INHBA: variants seen among roughly 807,000 people sequenced by gnomAD.
INHBA encodes the protein inhibin subunit beta A.
INHBA carries 1 observed loss-of-function variant against 29.0 expected under a neutral mutation model. The observed-to-expected ratio is 0.03, with a 90% CI of 0.01 to 0.16. The LOEUF is 0.16. INHBA is among the 10% of genes least tolerant of loss of function. The pLI is 1.00. For missense variants in INHBA, 376 were observed against 545.4 expected (o/e 0.69, Z 3.09); for synonymous variants, 242 against 216.8 (o/e 1.12, Z -1.02).
rs571523516 is a variant in INHBA, at chr7:41,688,009, T to C, written c.*1641A>G. ...ATCCCTGTACAATGAAAGAGGGCCT[T>C]GCTGAATATTCACTGGAATTTCCAG... On this transcript the variant is annotated 3_prime_UTR_variant, in exon 3 of 3. Transcript: ENST00000242208. The C allele has an allele frequency of 6.6e-6, 1 of 152,334 alleles. No individual in the cohort carries two copies. Among genetic ancestry groups the C allele is most frequent in the African/African-American group, 2.4e-5 (1 of 41,572 alleles). The allele number at this position is 152,334 out of a possible 1,614,324, so 9.4% of individuals were successfully genotyped here. A position where few individuals can be genotyped will look rare whatever the true frequency, so the allele number is the denominator to read the frequency against.
chr7:41,691,319 A>T (rs552967738), intron 2 of INHBA: 147 of 152,474 alleles, frequency 9.6e-4, no homozygotes, highest in Non-Finnish European at 1.4e-3. Context: ...TTGCCTCTGC[A>T]ACACTAAGGA....
In INHBA at chr7:41,687,639, CT is replaced by C. The variant is rs1794415512; in HGVS notation, c.*2010del. 6.6e-6 allele frequency: 1 copy of C among 151,998 alleles called. No individual in the cohort carries two copies. Among genetic ancestry groups the C allele is most frequent in the African/African-American group, 2.4e-5 (1 of 41,396 alleles). 9.4% of individuals were successfully genotyped at this position (151,998 alleles called of 1,614,324 possible). On this transcript the variant is annotated 3_prime_UTR_variant, in exon 3 of 3. Transcript: ENST00000242208. ...TAAATTAAAATTTTAGAGATTTTTA[CT>C]ACTGCCCTCACCTCTGCCTCCTCTT...
rs554028242 is a variant in INHBA, at chr7:41,688,064, G to A, written c.*1586C>T. The A allele has an allele frequency of 3.3e-5, 5 of 152,170 alleles. No individual in the cohort carries two copies. In the East Asian group the frequency reaches 9.7e-4, roughly 29 times the overall value. The allele number at this position is 152,170 out of a possible 1,614,324, so 9.4% of individuals were successfully genotyped here. ...TTTCCCATCCGAATTTTTGAAATGC[G>A]CCCACCTAGTTCAGAGTAAAAGCAA... On this transcript the variant is annotated 3_prime_UTR_variant, in exon 3 of 3. Coordinates refer to ENST00000242208, the MANE Select transcript of INHBA (RefSeq NM_002192.4).
rs1488241309 is a variant in INHBA at position 41,700,341 on chromosome 7, C to A, written c.34G>T (p.Ala12Ser). The A allele has an allele frequency of 6.7e-7, 1 of 1,503,534 alleles. No individual in the cohort carries two copies. Among genetic ancestry groups the A allele is most frequent in the Non-Finnish European group, 8.9e-7 (1 of 1,126,456 alleles). 93.1% of individuals were successfully genotyped at this position (1,503,534 alleles called of 1,614,324 possible). A position where few individuals can be genotyped will look rare whatever the true frequency, so the allele number is the denominator to read the frequency against. ...PLLWLRGFLL[A>S]SCWIIVRSSP... ...CTCCTCACTATAATCCAGCAACTTG[C>A]CAACAGAAATCCTCTCAGCCAAAGC... The change falls in exon 2 of 3, where the codon GCA (alanine) becomes TCA (serine). Residue 12 changes from alanine to serine, a missense_variant. Physicochemically the swap from Ala to Ser is moderately conservative, Grantham distance 99. Coordinates refer to ENST00000242208, the MANE Select transcript of INHBA (RefSeq NM_002192.4).
intron 2 of INHBA, among the ~76,000 whole-genome samples, chr7:41,695,824 G>A (rs1017305675): frequency 6.6e-6 from 1 of 152,138 alleles, no homozygotes; most frequent in Non-Finnish European, 1.5e-5. Flanking sequence ...GGAACCAGTC[G>A]AGTACGAAGA....
chr7:41,692,269 TCTTCAAGAAGTTCATCTTAGAACTTGCAA>T (rs1253118671), intron 2 of INHBA: 1 of 152,146 alleles, frequency 6.6e-6, no homozygotes, highest in East Asian at 1.9e-4. Flanking sequence ...CTGGGAACAA[TCTTCAAGAAGTTCATCTTAGAACTTGCAA>T]CTCCCTGGGA....
In INHBA at chr7:41,689,047, C is replaced by T. The variant is rs1794441262; in HGVS notation, c.*603G>A. On this transcript the variant is annotated 3_prime_UTR_variant, in exon 3 of 3. Transcript: ENST00000242208. The stretch of plus-strand genomic sequence containing the variant: ...GTACAGAAAAAGGAAGTGTGACCAC[C>T]TGCACACGATTGTTCTTTTACCAGT... 4.3e-6 allele frequency: 1 copy of T among 232,922 alleles called. No individual in the cohort carries two copies. Among genetic ancestry groups the T allele is most frequent in the African/African-American group, 2.2e-5 (1 of 45,110 alleles). The allele number at this position is 232,922 out of a possible 1,614,324, so 14.4% of individuals were successfully genotyped here.
At chr7:41,703,409 G>A (rs151149344), upstream of INHBA, among the ~76,000 whole-genome samples, 274 of 152,196 alleles carry the variant, frequency 1.8e-3, no homozygotes, top group Non-Finnish European at 3.3e-3. Flanking sequence ...CACACGTCTC[G>A]TTATATTCAG....
At chr7:41,702,459 G>A (rs926345935) in intron 1 of INHBA, among the ~76,000 whole-genome samples, 3 of 152,156 alleles carry the variant, frequency 2.0e-5, no homozygotes, top group South Asian at 2.1e-4. Flanking sequence ...TATTTTTTAC[G>A]GGGATGGTGA....
Position 41,688,637 on chromosome 7 carries a change from C to T in INHBA, c.*1013G>A, listed in dbSNP as rs1308760479. 1.4e-5 allele frequency: 2 copies of T among 147,982 alleles called. No individual in the cohort carries two copies. The highest frequency in any genetic ancestry group is 2.5e-5 in the African/African-American group (1 of 39,938). The allele number at this position is 147,982 out of a possible 1,614,324, so 9.2% of individuals were successfully genotyped here. On this transcript the variant is annotated 3_prime_UTR_variant, in exon 3 of 3. Transcript: ENST00000242208. Reference sequence around the variant, plus strand: ...TGCAGCTCTTAAACCCCACCCCCACCCCCAACCAAAGAAAATACTTGTTAA... The same window carrying T: ...TGCAGCTCTTAAACCCCACCCCCACTCCCAACCAAAGAAAATACTTGTTAA...
Position 41,687,339 on chromosome 7 carries a change from TATTA to T in INHBA, c.*2307_*2310del, listed in dbSNP as rs936411404. ...CTAAAAGCTTCAATATTTTACAAAA[TATTA>T]ATTAATGTAATTGTTCCCAATTATT... is the stretch of plus-strand genomic sequence containing the variant. On this transcript the variant is annotated 3_prime_UTR_variant, in exon 3 of 3. Coordinates refer to ENST00000242208, the MANE Select transcript of INHBA (RefSeq NM_002192.4). 1 of 152,204 alleles carries T rather than the reference TATTA, an allele frequency of 6.6e-6. No homozygotes were observed. Among genetic ancestry groups the T allele is most frequent in the African/African-American group, 2.4e-5 (1 of 41,450 alleles). The allele number at this position is 152,204 out of a possible 1,614,324, so 9.4% of individuals were successfully genotyped here. A position where few individuals can be genotyped will look rare whatever the true frequency, so the allele number is the denominator to read the frequency against.
intron 1 of INHBA, among the ~76,000 whole-genome samples, chr7:41,702,455 T>A (rs1177489852): frequency 6.6e-6 from 1 of 152,202 alleles, no homozygotes; most frequent in Non-Finnish European, 1.5e-5. Context: ...CTCATATTTT[T>A]TACGGGGATG....
intron 2 of INHBA, among the ~76,000 whole-genome samples, chr7:41,698,198 C>A (rs1794691644): frequency 6.6e-6 from 1 of 152,122 alleles, no homozygotes; most frequent in Non-Finnish European, 1.5e-5. Flanking sequence ...TTTTTCACTG[C>A]CAAATCTCTA....
intron 1 of INHBA, among the ~76,000 whole-genome samples, chr7:41,701,124 C>T (rs567917073): frequency 6.6e-6 from 1 of 152,176 alleles, no homozygotes; most frequent in South Asian, 2.1e-4. Context: ...CCTGGTTTCA[C>T]CTTCTTCCTT....
chr7:41,694,822 A>G (rs560483004), intron 2 of INHBA, among the ~76,000 whole-genome samples: 1 of 148,186 alleles, frequency 6.7e-6, no homozygotes, highest in South Asian at 2.1e-4. Context: ...AGAGGTGCAG[A>G]AAAATGGGCA....
intron 2 of INHBA, among the ~76,000 whole-genome samples, chr7:41,699,294 T>C (rs375512348): frequency 6.6e-6 from 1 of 152,214 alleles, no homozygotes; most frequent in Non-Finnish European, 1.5e-5. Flanking sequence ...TTATTTATTT[T>C]TTTTTCTTTC....
chr7:41,697,168 T>C (rs1562569199), intron 2 of INHBA, among the ~76,000 whole-genome samples: 1 of 152,226 alleles, frequency 6.6e-6, no homozygotes, highest in Non-Finnish European at 1.5e-5. Context: ...CCATCCCTTC[T>C]ATCTTTCCTT....
Position 41,690,024 on chromosome 7 carries a change from G to A in INHBA, c.907C>T (p.His303Tyr). Residue 303 changes from histidine to tyrosine, a missense_variant, in exon 3 of 3, where the codon CAC becomes TAC. Transcript: ENST00000242208. ...LMLQARQSED[H>Y]PHRRRRRGLE... is the part of the protein sequence containing the mutation. ...CCCCGCCGACGCCGGCGATGAGGGT[G>A]GTCTTCAGACTGCCGGGCCTGCAGC... is the stretch of plus-strand genomic sequence containing the variant. 2.5e-6 allele frequency: 4 copies of A among 1,614,080 alleles called. No individual in the cohort carries two copies. The highest frequency in any genetic ancestry group is 3.3e-5 in the Admixed American group (2 of 60,024).
upstream of INHBA, among the ~76,000 whole-genome samples, chr7:41,704,497 C>T (rs1794866209): frequency 6.6e-6 from 1 of 152,130 alleles, no homozygotes; most frequent in Non-Finnish European, 1.5e-5. Context: ...AACTTCTCCA[C>T]CCTTTTTGCT....
Sources: gnomAD v4.1 joint callset for allele counts (sites outside exome capture counted in the v4.1 genomes callset) on GRCh38, gnomAD v4.1.1 for gene constraint, MANE v1.5 for transcripts, NCBI Gene and HGNC (gene_info 2026-07-23, HGNC 2026-07-21) for gene names.